DCAF1: variants seen among roughly 807,000 people sequenced by gnomAD.
DCAF1 encodes DDB1 and CUL4 associated factor 1, also known as DDB1- and CUL4-associated factor 1.
DCAF1 carries 15 observed loss-of-function variants against 128.0 expected under a neutral mutation model. That is an observed-to-expected ratio of 0.12 (90% CI 0.08 to 0.18). The LOEUF is 0.18. Ranked by LOEUF, DCAF1 falls within the 10% of genes least tolerant of loss-of-function variation. The pLI is 1.00. For missense variants in DCAF1, 988 were observed against 1,649.5 expected, an observed-to-expected ratio of 0.60 and a Z score of 6.95; for synonymous variants, 610 against 603.0, an observed-to-expected ratio of 1.01 and a Z score of -0.17.
chr3:51,444,142 AT>A (rs1360444662), intron 6 of DCAF1, among the ~76,000 whole-genome samples: 5 of 152,288 alleles, frequency 3.3e-5, no homozygotes, highest in African/African-American at 1.2e-4. Flanking sequence ...TCAGAAAAAA[AT>A]AATTAAAAAA....
intron 12 of DCAF1, among the ~76,000 whole-genome samples, chr3:51,427,795 G>C (rs1559499034): frequency 1.3e-5 from 2 of 151,580 alleles, no homozygotes. Context: ...ACCACACCCA[G>C]CTAATTATTT....
chr3:51,460,589 G>A (rs1703437661), intron 6 of DCAF1, among the ~76,000 whole-genome samples: 1 of 151,926 alleles, frequency 6.6e-6, no homozygotes, highest in Non-Finnish European at 1.5e-5. Flanking sequence ...CCAAAAAAGA[G>A]CCCACATCAC....
intron 10 of DCAF1, 40 bp downstream of exon 10, chr3:51,433,066 A>G (rs1203901268): frequency 1.5e-5 from 6 of 398,358 alleles, no homozygotes; most frequent in African/African-American, 2.1e-5. Flanking sequence ...GGTTATCCCC[A>G]ACCTAATCTC....
intron 3 of DCAF1, among the ~76,000 whole-genome samples, chr3:51,475,907 A>G (rs992716309): frequency 2.0e-5 from 3 of 151,862 alleles, no homozygotes; most frequent in African/African-American, 7.3e-5. Flanking sequence ...TCAGGGTTCA[A>G]ATCTGAGCTC....
At chr3:51,495,548 T>C (rs782400191) in intron 2 of DCAF1, among the ~76,000 whole-genome samples, 7 of 151,750 alleles carry the variant, frequency 4.6e-5, no homozygotes, top group Non-Finnish European at 1.0e-4. Context: ...AAATATAAAC[T>C]TGTAACAGAC....
At chr3:51,434,063 C>T (rs1700608644) in intron 9 of DCAF1, among the ~76,000 whole-genome samples, 1 of 147,652 alleles carries the variant, frequency 6.8e-6, no homozygotes, top group African/African-American at 2.5e-5. Flanking sequence ...GCCTGGGCGA[C>T]GGAAGGAGAC....
chr3:51,404,192 C>G (rs2089945843), intron 23 of DCAF1, among the ~76,000 whole-genome samples: 1 of 152,200 alleles, frequency 6.6e-6, no homozygotes, highest in Non-Finnish European at 1.5e-5. Flanking sequence ...CACAAAGATA[C>G]CTCTTTGCTT....
chr3:51,429,612 G>A lies in DCAF1; in HGVS notation c.1468-142C>T, dbSNP rs1184566008. 25 of 623,276 alleles carry A rather than the reference G, an allele frequency of 4.0e-5. No homozygotes were observed. The East Asian group carries it at 6.3e-4, about 16-fold the overall frequency. 38.6% of individuals were successfully genotyped at this position (623,276 alleles called of 1,614,324 possible). A position where few individuals can be genotyped will look rare whatever the true frequency, so the allele number is the denominator to read the frequency against. On this transcript the variant is annotated intron_variant, in intron 11 of 24. Transcript: ENST00000684031. ...TGCTTATGTATCAGTAAACTTTTAT[G>A]CTTAACAAGACTGACAAATATCAAC...
At position 51,476,572 on chromosome 3, in the gene DCAF1, CAAAAAAA is replaced by C. The variant is rs11359977; in HGVS notation, c.111-5574_111-5568del. ...ACTTTACAGTATATAAATTATATCTCAAAAAAAAAAAAAAAAAAAAAAAGGCCAGGCG... is the reference window on the plus strand; with the variant it reads ...ACTTTACAGTATATAAATTATATCTCAAAAAAAAAAAAAAAAGGCCAGGCG... On this transcript the variant is annotated intron_variant, in intron 3 of 24. Transcript: ENST00000684031. 3.2e-4 allele frequency among the ~76,000 whole-genome samples: 16 copies of C among 49,656 alleles called. No homozygotes were observed. The East Asian group carries it at 6.6e-3, about 20-fold the overall frequency. 32.6% of individuals were successfully genotyped at this position (49,656 alleles called of 152,430 possible).
intron 4 of DCAF1, among the ~76,000 whole-genome samples, chr3:51,467,766 A>C (rs118178691): frequency 6.6e-6 from 1 of 152,312 alleles, no homozygotes; most frequent in East Asian, 1.9e-4. Context: ...TGTTGAATTA[A>C]ACAAATGAGC....
At chr3:51,481,051 A>G (rs543178859) in intron 3 of DCAF1, among the ~76,000 whole-genome samples, 1 of 152,268 alleles carries the variant, frequency 6.6e-6, no homozygotes, top group East Asian at 1.9e-4. Flanking sequence ...TTCTAAGGAG[A>G]AGGTCACTGG....
intron 9 of DCAF1, chr3:51,438,224 A>C (rs891515267): frequency 2.7e-4 from 85 of 318,606 alleles, no homozygotes; most frequent in Non-Finnish European, 7.8e-5. Flanking sequence ...ATGGTTCAAG[A>C]AACAAATATT....
chr3:51,429,179 C>T, intron 12 of DCAF1, 82 bp downstream of exon 12: 1 of 702,996 alleles, frequency 1.4e-6, no homozygotes, highest in Non-Finnish European at 2.7e-6. Context: ...ACAGAGTCCA[C>T]TGATCTGAAT....
chr3:51,480,963 G>A (rs1433463101), intron 3 of DCAF1, among the ~76,000 whole-genome samples: 1 of 151,992 alleles, frequency 6.6e-6, no homozygotes, highest in Non-Finnish European at 1.5e-5. Flanking sequence ...ATAACTGTGT[G>A]GTACATAATT....
At chr3:51,446,547 C>A (rs1218028838) in intron 6 of DCAF1, among the ~76,000 whole-genome samples, 1 of 152,134 alleles carries the variant, frequency 6.6e-6, no homozygotes, top group African/African-American at 2.4e-5. Flanking sequence ...AGGAAGATCA[C>A]TTGAGCCCAG....
intron 2 of DCAF1, among the ~76,000 whole-genome samples, chr3:51,493,446 A>AG (rs1373866402): frequency 6.6e-6 from 1 of 151,884 alleles, no homozygotes; most frequent in Non-Finnish European, 1.5e-5. Context: ...ACTCCATCTC[A>AG]GGGGAAAAAA....
At chr3:51,447,922 G>A (rs1702030643) in intron 6 of DCAF1, among the ~76,000 whole-genome samples, 3 of 151,832 alleles carry the variant, frequency 2.0e-5, no homozygotes, top group Admixed American at 2.0e-4. Flanking sequence ...ATTCCAACCT[G>A]GGCGACAGAG....
At chr3:51,406,638 A>G (rs2090134613) in intron 23 of DCAF1, among the ~76,000 whole-genome samples, 1 of 152,078 alleles carries the variant, frequency 6.6e-6, no homozygotes, top group African/African-American at 2.4e-5. Flanking sequence ...TTTACAGAAA[A>G]TAGGTCAACT....
intron 17 of DCAF1, among the ~76,000 whole-genome samples, chr3:51,417,765 AGAG>A (rs1382314006): frequency 1.5e-5 from 2 of 135,480 alleles, no homozygotes; most frequent in African/African-American, 5.4e-5. Context: ...AAAGGAAAGG[AGAG>A]GAGAAGAGAG....
Sources: allele counts gnomAD v4.1 joint callset (sites outside exome capture counted in the v4.1 genomes callset), GRCh38; gene constraint gnomAD v4.1.1; transcripts MANE v1.5; gene names NCBI Gene and HGNC (gene_info 2026-07-23, HGNC 2026-07-21).